Variants in ADGB observed in about 807,000 individuals in gnomAD.
ADGB encodes calpain-7-like protein.
Under a neutral mutation model 210.5 loss-of-function variants are expected in ADGB, and 172 were observed. The ratio of observed to expected loss-of-function variants is 0.82; its 90% CI spans 0.72 to 0.93. The LOEUF (loss-of-function observed/expected upper bound fraction) is 0.93. Among genes scored for constraint, ADGB ranks in the 40% least tolerant of loss-of-function variants. ADGB has a pLI of 0.00. For synonymous variants in ADGB, 658 were observed against 662.7 expected, an observed-to-expected ratio of 0.99 and a Z score of 0.11; for missense variants, 2,025 against 1,964.8, an observed-to-expected ratio of 1.03 and a Z score of -0.58.
At chr6:146,775,724 A>G (rs992862871) in intron 29 of ADGB, among the ~76,000 whole-genome samples, 3 of 152,082 alleles carry the variant, frequency 2.0e-5, no homozygotes, top group Non-Finnish European at 4.4e-5. Flanking sequence ...TCTAATTAAT[A>G]TTATACTGTT....
At chr6:146,701,108 T>G in intron 13 of ADGB, 38 bp downstream of exon 13, 1 of 1,543,522 alleles carries the variant, frequency 6.5e-7, no homozygotes, top group Non-Finnish European at 8.7e-7. Context: ...CAACTCTTAA[T>G]GAGACAAGAT....
chr6:146,661,767 C>T (rs572168669), intron 5 of ADGB, among the ~76,000 whole-genome samples: 161 of 151,948 alleles, frequency 1.1e-3, no homozygotes, highest in Non-Finnish European at 1.7e-3. Context: ...AATTTTCTTT[C>T]GCAATTCCTT....
At chr6:146,609,458 A>G (rs1365794032) in intron 1 of ADGB, among the ~76,000 whole-genome samples, 2 of 152,198 alleles carry the variant, frequency 1.3e-5, no homozygotes, top group African/African-American at 2.4e-5. Flanking sequence ...GTTAATTTAT[A>G]GTATCAATGG....
chr6:146,723,711 T>G (rs1048798440), intron 17 of ADGB, among the ~76,000 whole-genome samples: 2 of 152,234 alleles, frequency 1.3e-5, no homozygotes, highest in African/African-American at 4.8e-5. Flanking sequence ...CACTTCAGCT[T>G]GGGTAACAGA....
At chr6:146,742,339 A>G (rs560845772) in intron 25 of ADGB, among the ~76,000 whole-genome samples, 2 of 151,918 alleles carry the variant, frequency 1.3e-5, no homozygotes, top group East Asian at 3.9e-4. Context: ...ATATTTTTCT[A>G]TCATTTTTAA....
intron 35 of ADGB, among the ~76,000 whole-genome samples, chr6:146,814,453 G>A (rs1778351325): frequency 6.6e-6 from 1 of 151,758 alleles, no homozygotes; most frequent in African/African-American, 2.4e-5. Flanking sequence ...GTTGATCCAG[G>A]AGGAGAGAGT....
intron 29 of ADGB, among the ~76,000 whole-genome samples, chr6:146,780,427 A>G (rs1777781744): frequency 6.6e-6 from 1 of 152,186 alleles, no homozygotes; most frequent in African/African-American, 2.4e-5. Flanking sequence ...CAACAAACAC[A>G]TGACCTAATT....
At chr6:146,627,763 T>C (rs1016612630) in intron 1 of ADGB, among the ~76,000 whole-genome samples, 1 of 152,150 alleles carries the variant, frequency 6.6e-6, no homozygotes, top group South Asian at 2.1e-4. Context: ...CTCTCTTTTT[T>C]AGGATCCTGT....
chr6:146,739,710 A>T (rs762351828), intron 23 of ADGB, among the ~76,000 whole-genome samples: 1 of 152,202 alleles, frequency 6.6e-6, no homozygotes, highest in Non-Finnish European at 1.5e-5. Context: ...ACCATTTGCT[A>T]TGGCCATAAT....
chr6:146,745,367 C>T (rs1777213432), intron 25 of ADGB, among the ~76,000 whole-genome samples: 2 of 152,292 alleles, frequency 1.3e-5, no homozygotes, highest in South Asian at 4.1e-4. Context: ...TAAAGTAAGC[C>T]ATTCCCAGGC....
intron 29 of ADGB, among the ~76,000 whole-genome samples, chr6:146,780,709 AGAATT>A (rs1231413098): frequency 4.6e-5 from 7 of 152,236 alleles, no homozygotes; most frequent in African/African-American, 1.7e-4. Flanking sequence ...AAAAACTGAC[AGAATT>A]GAAAGAAGAA....
intron 2 of ADGB, among the ~76,000 whole-genome samples, chr6:146,636,360 A>G (rs1238794689): frequency 6.6e-6 from 1 of 152,076 alleles, no homozygotes; most frequent in East Asian, 1.9e-4. Flanking sequence ...CACAAATTGC[A>G]TGATTCATAT....
chr6:146,653,486 G>A (rs574579066), intron 3 of ADGB, among the ~76,000 whole-genome samples: 2 of 152,164 alleles, frequency 1.3e-5, no homozygotes, highest in East Asian at 1.9e-4. Context: ...TCTGCATAAG[G>A]AACAGAAAAT....
chr6:146,670,014 C>G (rs1429140730), intron 7 of ADGB, among the ~76,000 whole-genome samples: 2 of 152,048 alleles, frequency 1.3e-5, no homozygotes, highest in African/African-American at 4.8e-5. Context: ...TTCCTTGCCT[C>G]TCACATAAAA....
At chr6:146,703,261 G>A (rs937482022) in intron 13 of ADGB, among the ~76,000 whole-genome samples, 2 of 151,390 alleles carry the variant, frequency 1.3e-5, no homozygotes, top group African/African-American at 2.4e-5. Flanking sequence ...ATTTTTAATC[G>A]ATAAAAAATA....
intron 9 of ADGB, among the ~76,000 whole-genome samples, chr6:146,679,780 TA>T (rs1455517858): frequency 1.3e-5 from 2 of 152,170 alleles, no homozygotes; most frequent in African/African-American, 4.8e-5. Flanking sequence ...AAATGTAGCT[TA>T]AAAAGAAACC....
intron 22 of ADGB, among the ~76,000 whole-genome samples, chr6:146,734,866 A>G (rs1303999564): frequency 1.3e-5 from 2 of 152,152 alleles, no homozygotes; most frequent in South Asian, 4.1e-4. Flanking sequence ...GCCTGAGCCA[A>G]GATCACACCA....
At chr6:146,714,730 C>T (rs1356444254) in intron 13 of ADGB, among the ~76,000 whole-genome samples, 1 of 152,200 alleles carries the variant, frequency 6.6e-6, no homozygotes. Flanking sequence ...GGTCCTAAGG[C>T]ATGGATAGGC....
chr6:146,682,837 ACT>A (rs1776176150), intron 9 of ADGB, among the ~76,000 whole-genome samples: 1 of 152,100 alleles, frequency 6.6e-6, no homozygotes, highest in African/African-American at 2.4e-5. Context: ...TGGCTAATAA[ACT>A]TTTTTGAAAA....
Sources: gnomAD v4.1 joint callset for allele counts (sites outside exome capture counted in the v4.1 genomes callset) on GRCh38, gnomAD v4.1.1 for gene constraint, MANE v1.5 for transcripts, NCBI Gene and HGNC (gene_info 2026-07-23, HGNC 2026-07-21) for gene names.